The following ZNF536 variants were observed in gnomAD, a reference collection of about 807,000 sequenced individuals.
ZNF536 encodes the protein zinc finger protein 536.
A neutral mutation model predicts 84.5 loss-of-function variants in ZNF536; 13 were observed. That is an observed-to-expected ratio of 0.15 (90% CI 0.10 to 0.24). The LOEUF is 0.24. Ranked by LOEUF, ZNF536 falls within the 10% of genes least tolerant of loss-of-function variation. ZNF536 has a pLI of 1.00. For synonymous variants in ZNF536, 811 were observed against 742.5 expected (o/e 1.09, Z -1.50); for missense variants, 1,536 against 1,747.5 (o/e 0.88, Z 2.16).
chr19:30,569,450 T>C (rs368294469), intron 1 of ZNF536, among the ~76,000 whole-genome samples: 1 of 151,820 alleles, frequency 6.6e-6, no homozygotes, highest in Admixed American at 6.6e-5. Flanking sequence ...CCTGTGCCCT[T>C]TCCTGTGGGG....
rs978150760 is a variant in ZNF536 at position 30,325,304 on chromosome 19, C to T, written c.-119-27064C>T. On this transcript the variant is annotated intron_variant, in intron 2 of 5. Transcript: ENST00000585628. The stretch of plus-strand genomic sequence containing the variant: ...CCCCCACCCTTGGGGCCAGTTCTCC[C>T]CCTCAGCCTGGAAGCCTCAGTGGCA... 2.0e-5 allele frequency among the ~76,000 whole-genome samples: 3 copies of T among 152,242 alleles called. No homozygotes were observed. In the East Asian group the frequency reaches 5.8e-4, roughly 29 times the overall value.
At chr19:30,680,522 G>A (rs939786231) in intron 1 of ZNF536, among the ~76,000 whole-genome samples, 21 of 150,702 alleles carry the variant, frequency 1.4e-4, no homozygotes, top group Admixed American at 1.0e-3. Flanking sequence ...TTGTTCTTGC[G>A]ATAGCTTACT....
At chr19:30,626,376 A>C (rs958624058) in intron 1 of ZNF536, among the ~76,000 whole-genome samples, 1 of 150,700 alleles carries the variant, frequency 6.6e-6, no homozygotes, top group African/African-American at 2.4e-5. Flanking sequence ...TTTTCTTTTC[A>C]CTGGTAGAAT....
chr19:30,610,944 T>A (rs1003031115), intron 1 of ZNF536, among the ~76,000 whole-genome samples: 2 of 152,228 alleles, frequency 1.3e-5, no homozygotes, highest in African/African-American at 4.8e-5. Flanking sequence ...ACCTTCACAG[T>A]ACCTGCCAAA....
intron 1 of ZNF536, among the ~76,000 whole-genome samples, chr19:30,608,903 T>C (rs2147014989): frequency 6.6e-6 from 1 of 152,302 alleles, no homozygotes; most frequent in African/African-American, 2.4e-5. Context: ...ATTAAAACTC[T>C]AGTGCAGTCC....
chr19:30,329,824 TG>T (rs2047151797), intron 2 of ZNF536, among the ~76,000 whole-genome samples: 2 of 152,114 alleles, frequency 1.3e-5, no homozygotes, highest in Non-Finnish European at 2.9e-5. Flanking sequence ...GTTAACTTAC[TG>T]GGTCTACACT....
chr19:30,657,388 G>A (rs1480628854), intron 1 of ZNF536, among the ~76,000 whole-genome samples: 1 of 152,246 alleles, frequency 6.6e-6, no homozygotes, highest in Admixed American at 6.5e-5. Context: ...AGATCACTGA[G>A]AAAGCAGCAA....
intron 1 of ZNF536, among the ~76,000 whole-genome samples, chr19:30,277,845 C>T (rs2045294180): frequency 1.3e-5 from 2 of 152,206 alleles, no homozygotes; most frequent in South Asian, 2.1e-4. Context: ...AGCTCAGGCA[C>T]CTGCTCTGGC....
intron 1 of ZNF536, among the ~76,000 whole-genome samples, chr19:30,679,420 C>T (rs952620612): frequency 1.3e-5 from 2 of 152,168 alleles, no homozygotes; most frequent in South Asian, 2.1e-4. Context: ...CTGGGGGTGG[C>T]GCTCAGGAAA....
At chr19:30,633,578 C>G (rs954771720) in intron 1 of ZNF536, among the ~76,000 whole-genome samples, 3 of 152,212 alleles carry the variant, frequency 2.0e-5, no homozygotes, top group Non-Finnish European at 4.4e-5. Flanking sequence ...CTCTCTGCTT[C>G]TATGAGATCA....
At chr19:30,462,369 G>T (rs2053180538) in intron 2 of ZNF536, among the ~76,000 whole-genome samples, 1 of 151,856 alleles carries the variant, frequency 6.6e-6, no homozygotes, top group Non-Finnish European at 1.5e-5. Context: ...TATATTGGTG[G>T]GTGTGCTTGT....
chr19:30,599,719 C>T (rs139357744), intron 1 of ZNF536, among the ~76,000 whole-genome samples: 242 of 152,180 alleles, frequency 1.6e-3, no homozygotes, highest in African/African-American at 5.4e-3. Context: ...GCAATGAATG[C>T]GGAAAACAAT....
chr19:30,558,660 T>C (rs760840094), downstream of ZNF536, among the ~76,000 whole-genome samples: 1 of 152,176 alleles, frequency 6.6e-6, no homozygotes, highest in Non-Finnish European at 1.5e-5. Flanking sequence ...GAGAGAGGTG[T>C]GGGAAGAACC....
downstream of ZNF536, among the ~76,000 whole-genome samples, chr19:30,559,084 G>A (rs77410412): frequency 2.6e-5 from 4 of 152,234 alleles, no homozygotes; most frequent in Admixed American, 6.5e-5. Context: ...GCATTAGGTT[G>A]TCTTTTATTT....
At chr19:30,586,054 AG>A (rs1212509013) in intron 1 of ZNF536, among the ~76,000 whole-genome samples, 3 of 152,166 alleles carry the variant, frequency 2.0e-5, no homozygotes, top group Admixed American at 1.3e-4. Flanking sequence ...GCCCTCCTGG[AG>A]CTTACACTTA....
chr19:30,646,289 C>A (rs1190727487), intron 1 of ZNF536, among the ~76,000 whole-genome samples: 1 of 152,046 alleles, frequency 6.6e-6, no homozygotes, highest in East Asian at 1.9e-4. Context: ...GTTCTTTTTT[C>A]CTTTACATCC....
At chr19:30,334,314 A>G (rs948174736) in intron 2 of ZNF536, among the ~76,000 whole-genome samples, 2 of 152,224 alleles carry the variant, frequency 1.3e-5, no homozygotes, top group African/African-American at 4.8e-5. Context: ...GTAAAAGCTT[A>G]TTAGCTGAAT....
intron 2 of ZNF536, among the ~76,000 whole-genome samples, chr19:30,508,747 A>G (rs1158043204): frequency 6.7e-6 from 1 of 149,576 alleles, no homozygotes; most frequent in African/African-American, 2.5e-5. Context: ...TTAAACAACC[A>G]TGGTGCCCTT....
intron 2 of ZNF536, among the ~76,000 whole-genome samples, chr19:30,303,201 C>A (rs1423807900): frequency 6.6e-6 from 1 of 152,192 alleles, no homozygotes; most frequent in East Asian, 1.9e-4. Flanking sequence ...GAGCACACCA[C>A]CTTGTGTCTC....
Sources: gnomAD v4.1 joint callset for allele counts (sites outside exome capture counted in the v4.1 genomes callset) on GRCh38, gnomAD v4.1.1 for gene constraint, MANE v1.5 for transcripts, NCBI Gene and HGNC (gene_info 2026-07-23, HGNC 2026-07-21) for gene names.